TENM1: variants seen among roughly 807,000 people sequenced by gnomAD.
The protein encoded by TENM1 is teneurin-1.
TENM1 carries 35 observed loss-of-function variants against 174.8 expected under a neutral mutation model. The observed-to-expected ratio is 0.20, with a 90% CI of 0.15 to 0.27. The LOEUF is 0.27. Ranked by LOEUF, TENM1 falls within the 10% of genes least tolerant of loss-of-function variation. TENM1 has a pLI of 1.00. For missense variants in TENM1, 1,633 were observed against 2,130.1 expected (o/e 0.77, Z 4.59); for synonymous variants, 781 against 798.7 (o/e 0.98, Z 0.37).
chrX:124,550,508 TCC>T (rs2048534632), intron 14 of TENM1, among the ~76,000 whole-genome samples: 1 of 111,510 alleles, frequency 9.0e-6, no homozygotes, highest in Admixed American at 9.5e-5. Flanking sequence ...GATATTCTCA[TCC>T]CTATATTACA....
intron 22 of TENM1, among the ~76,000 whole-genome samples, chrX:124,474,886 A>C (rs1201604969): frequency 8.9e-6 from 1 of 111,887 alleles, no homozygotes; most frequent in Non-Finnish European, 1.9e-5. Flanking sequence ...TGAGACAGAA[A>C]CCCCCCCTAA....
chrX:124,423,098 C>T (rs1227934212), intron 23 of TENM1, among the ~76,000 whole-genome samples: 1 of 112,356 alleles, frequency 8.9e-6, no homozygotes, highest in Non-Finnish European at 1.9e-5. Flanking sequence ...ATCTCTCTCA[C>T]TGTCCTGTAG....
chrX:124,835,241 C>A (rs1027191511), intron 3 of TENM1, among the ~76,000 whole-genome samples: 1 of 112,145 alleles, frequency 8.9e-6, no homozygotes, highest in African/African-American at 3.2e-5. Flanking sequence ...CAGTAGACAT[C>A]TTTTGACTAA....
chrX:124,397,397 G>C (rs2060348156), intron 27 of TENM1, among the ~76,000 whole-genome samples: 1 of 111,768 alleles, frequency 8.9e-6, no homozygotes, highest in African/African-American at 3.3e-5. Flanking sequence ...CCACGCCTGT[G>C]AATGTGCTGA....
At chrX:124,730,280 G>T (rs2053536637) in intron 4 of TENM1, among the ~76,000 whole-genome samples, 1 of 111,898 alleles carries the variant, frequency 8.9e-6, no homozygotes, top group Non-Finnish European at 1.9e-5. Context: ...GTTAGATAAA[G>T]ATAGCAATAG....
chrX:125,038,875 T>A, the TENM1 span, among the ~76,000 whole-genome samples: 1 of 111,856 alleles, frequency 8.9e-6, no homozygotes, highest in Non-Finnish European at 1.9e-5. Flanking sequence ...TTTAAAGAAC[T>A]ATTGTTTAAT....
At chrX:125,008,660 G>C in the TENM1 span, among the ~76,000 whole-genome samples, 3 of 112,010 alleles carry the variant, frequency 2.7e-5, no homozygotes, top group East Asian at 2.8e-4. Flanking sequence ...AAGTGCAAAA[G>C]AACTGAAATC....
the TENM1 span, among the ~76,000 whole-genome samples, chrX:125,118,267 G>A: frequency 9.0e-6 from 1 of 110,745 alleles, no homozygotes; most frequent in South Asian, 3.8e-4. Context: ...TAACTGTTGG[G>A]TACAATGTTC....
At chrX:124,861,207 T>G (rs2056905614) in intron 3 of TENM1, among the ~76,000 whole-genome samples, 1 of 112,135 alleles carries the variant, frequency 8.9e-6, no homozygotes, top group African/African-American at 3.2e-5. Context: ...ACTTAATCCA[T>G]GGAGCTAGCA....
intron 11 of TENM1, among the ~76,000 whole-genome samples, chrX:124,587,708 G>C (rs1244365957): frequency 9.0e-6 from 1 of 111,131 alleles, no homozygotes; most frequent in Non-Finnish European, 1.9e-5. Flanking sequence ...TTAAACTAAG[G>C]AGCTTCTGCA....
At chrX:124,693,696 C>T (rs2052583256) in intron 5 of TENM1, among the ~76,000 whole-genome samples, 1 of 110,250 alleles carries the variant, frequency 9.1e-6, no homozygotes, top group South Asian at 3.8e-4. Flanking sequence ...TTGTTTAAGG[C>T]TTATTAGGAC....
chrX:124,573,977 T>C (rs774169791), intron 11 of TENM1, among the ~76,000 whole-genome samples: 1 of 112,287 alleles, frequency 8.9e-6, no homozygotes, highest in Non-Finnish European at 1.9e-5. Context: ...TTCTATTTCC[T>C]GTGTAATATT....
At chrX:124,432,199 A>G (rs5958487) in intron 23 of TENM1, among the ~76,000 whole-genome samples, 3 of 110,600 alleles carry the variant, frequency 2.7e-5, no homozygotes, top group African/African-American at 9.8e-5. Flanking sequence ...AGGTGTCATC[A>G]TGTTTTCTAA....
chrX:125,011,643 T>A, the TENM1 span, among the ~76,000 whole-genome samples: 2 of 111,439 alleles, frequency 1.8e-5, no homozygotes, highest in Admixed American at 9.5e-5. Context: ...CCAGATAACA[T>A]CTCATGCCAG....
the TENM1 span, among the ~76,000 whole-genome samples, chrX:125,098,105 T>C: frequency 9.1e-6 from 1 of 110,162 alleles, no homozygotes; most frequent in Non-Finnish European, 1.9e-5. Context: ...CTACTAAAAA[T>C]ACAAAAAAAT....
At chrX:124,434,763 T>C (rs941242478) in intron 23 of TENM1, among the ~76,000 whole-genome samples, 4 of 112,057 alleles carry the variant, frequency 3.6e-5, no homozygotes, top group African/African-American at 9.7e-5. Context: ...TGTTTGTAAA[T>C]TTGATTGTTA....
chrX:125,135,328 G>T, the TENM1 span, among the ~76,000 whole-genome samples: 1 of 111,745 alleles, frequency 8.9e-6, no homozygotes, highest in Non-Finnish European at 1.9e-5. Context: ...GGCCTATAAA[G>T]CACCTTCTGC....
At chrX:124,903,898 G>A (rs2057703203) in intron 1 of TENM1, among the ~76,000 whole-genome samples, 1 of 111,426 alleles carries the variant, frequency 9.0e-6, no homozygotes, top group African/African-American at 3.3e-5. Context: ...GTGCTCAATG[G>A]CCCTAAAAAT....
chrX:125,028,101 C>T, the TENM1 span, among the ~76,000 whole-genome samples: 1 of 111,850 alleles, frequency 8.9e-6, no homozygotes, highest in African/African-American at 3.2e-5. Flanking sequence ...AGAAATTCCA[C>T]TTCTAGATGT....
Sources: gnomAD v4.1 joint callset for allele counts (sites outside exome capture counted in the v4.1 genomes callset) on GRCh38, gnomAD v4.1.1 for gene constraint, MANE v1.5 for transcripts, NCBI Gene and HGNC (gene_info 2026-07-23, HGNC 2026-07-21) for gene names.